Variants in DNAH2 observed in about 807,000 individuals in gnomAD.
The protein encoded by DNAH2 is axonemal beta dynein heavy chain 2.
Under a neutral mutation model 523.5 loss-of-function variants are expected in DNAH2, and 323 were observed. That is an observed-to-expected ratio of 0.62 (90% confidence interval 0.56 to 0.68). The LOEUF (loss-of-function observed/expected upper bound fraction) is 0.68. Ranked by LOEUF, DNAH2 falls within the 30% of genes least tolerant of loss-of-function variation. The probability of loss-of-function intolerance (pLI) is 0.00; values close to 1 mark genes in which losing one functional copy is unlikely to be tolerated. For missense variants in DNAH2, 4,907 were observed against 5,701.5 expected (o/e 0.86, Z 4.49); for synonymous variants, 2,093 against 2,177.4 (o/e 0.96, Z 1.08).
intron 63 of DNAH2, among the ~76,000 whole-genome samples, chr17:7,810,585 C>A (rs527975704): frequency 2.6e-5 from 4 of 152,046 alleles, no homozygotes; most frequent in Admixed American, 2.6e-4. Flanking sequence ...GATGGGGTTT[C>A]ACCACGTTGG....
Position 7,798,488 on chromosome 17 carries a change from C to T in DNAH2, c.8399-70C>T, listed in dbSNP as rs2131810. Reference sequence around the variant, plus strand: ...TGCGGGGCGGGGAGGGTTCCTAAATCTCAGAAAAGGAATCAAGCCCAGGAT... The same window carrying T: ...TGCGGGGCGGGGAGGGTTCCTAAATTTCAGAAAAGGAATCAAGCCCAGGAT... On this transcript the variant is annotated intron_variant, in intron 54 of 85. Transcript: ENST00000572933. The surrounding 1 kb of genome is among the most constrained non-coding windows in gnomAD (Gnocchi z 5.5). The T allele has an allele frequency of 0.28, 437,459 of 1,587,830 alleles. 64,236 individuals carry two copies. The highest frequency in any genetic ancestry group is 0.31 in the Middle Eastern group (1,740 of 5,654).
At chr17:7,723,159 A>T (rs747590285) in intron 2 of DNAH2, among the ~76,000 whole-genome samples, 6 of 149,964 alleles carry the variant, frequency 4.0e-5, no homozygotes, top group Admixed American at 6.6e-5. Flanking sequence ...TTTAGTAGAG[A>T]CGGGGTTTCA....
At chr17:7,775,396 T>C in intron 30 of DNAH2, 54 bp downstream of exon 30, 2 of 1,542,554 alleles carry the variant, frequency 1.3e-6, no homozygotes, top group South Asian at 2.3e-5. Context: ...CTACAGAAAG[T>C]TCACCTGGGT....
rs1567696119 is a variant in DNAH2 at position 7,786,524 on chromosome 17, G to GT, written c.6349-41dup. On this transcript the variant is annotated intron_variant, in intron 40 of 85. Transcript: ENST00000572933. This position sits in a 1 kb window ranked among gnomAD's most constrained non-coding sequence, Gnocchi z 7.5. ...AAGAGGGGTCTGGAAATAAAGAGGGGTTTTTGTCCATCAGCAGCTAAAACC... is the reference window on the plus strand; with the variant it reads ...AAGAGGGGTCTGGAAATAAAGAGGGGTTTTTTGTCCATCAGCAGCTAAAACC... 1.3e-6 allele frequency: 2 copies of GT among 1,569,810 alleles called. No homozygotes were observed. The highest frequency in any genetic ancestry group is 3.4e-5 in the Admixed American group (2 of 59,528).
chr17:7,788,939 T>C (rs893614702), intron 44 of DNAH2, among the ~76,000 whole-genome samples: 2 of 152,038 alleles, frequency 1.3e-5, no homozygotes, highest in Non-Finnish European at 2.9e-5. Flanking sequence ...CCGAGGTGGG[T>C]GGATCACCTG....
At chr17:7,730,642 A>G (rs541433922) in intron 4 of DNAH2, among the ~76,000 whole-genome samples, 11 of 152,320 alleles carry the variant, frequency 7.2e-5, no homozygotes, top group African/African-American at 1.9e-4. Context: ...AATCCAATAA[A>G]TCCAAATTAA....
chr17:7,736,216 A>G (rs1259571447), intron 7 of DNAH2, among the ~76,000 whole-genome samples: 7 of 152,148 alleles, frequency 4.6e-5, no homozygotes, highest in Admixed American at 4.6e-4. Flanking sequence ...TGACAGGCTG[A>G]TTATGTTAGT....
rs762134139 is a variant in DNAH2 at position 7,833,213 on chromosome 17, G to A, written c.13121G>A (p.Ser4374Asn). Residue 4374 changes from serine to asparagine, a missense_variant, in exon 85 of 86, where the codon AGC (serine) becomes AAC (asparagine). Physicochemically the swap from Ser to Asn is conservative, Grantham distance 46. Coordinates refer to ENST00000572933, the MANE Select transcript of DNAH2 (RefSeq NM_020877.5). ...CGGCCTGCAGAGAGCCGCAAGAAGAGCGCCAAGGGTGGGACAGCTCCCCAG... is the reference window on the plus strand; with the variant it reads ...CGGCCTGCAGAGAGCCGCAAGAAGAACGCCAAGGGTGGGACAGCTCCCCAG... ...HFRPAESRKKSAKGMYSCPCY... is the reference protein window; with the variant it reads ...HFRPAESRKKNAKGMYSCPCY... The A allele has an allele frequency of 1.9e-6, 3 of 1,607,174 alleles. No homozygotes were observed. Among genetic ancestry groups the A allele is most frequent in the Admixed American group, 1.7e-5 (1 of 60,032 alleles).
rs1179517184 is a variant in DNAH2 at position 7,816,853 on chromosome 17, C to CTT, written c.9894+119_9894+120insTT. 10 of 1,327,028 alleles carry CTT rather than the reference C, an allele frequency of 7.5e-6. No homozygotes were observed. The African/African-American group carries it at 1.5e-4, about 19-fold the overall frequency. The allele number at this position is 1,327,028 out of a possible 1,614,324, so 82.2% of individuals were successfully genotyped here. A position where few individuals can be genotyped will look rare whatever the true frequency, so the allele number is the denominator to read the frequency against. On this transcript the variant is annotated intron_variant, in intron 64 of 85. Transcript: ENST00000572933. ...CGGGGACACCTGGGTATAGGGAACT[C>CTT]TAAGAACTGAGGCGTGGGAGCTCTT...
chr17:7,771,862 G>A lies in DNAH2; in HGVS notation c.4501+394G>A, dbSNP rs60292742. Among the ~76,000 whole-genome samples the A allele has an allele frequency of 8.9e-3, 1,357 of 152,058 alleles. 12 individuals carry two copies. Among genetic ancestry groups the A allele is most frequent in the African/African-American group, 0.014 (589 of 41,460 alleles). ...CTCCCAAGTAGCTGGGAATACAAGCGTGTGCCACTACCTCTGGCTAATTTT... is the reference window on the plus strand; with the variant it reads ...CTCCCAAGTAGCTGGGAATACAAGCATGTGCCACTACCTCTGGCTAATTTT... On this transcript the variant is annotated intron_variant, in intron 28 of 85. Transcript: ENST00000572933.
rs1597792725 is a variant in DNAH2, at chr17:7,828,105, G to T, written c.11854-2195G>T. Among the ~76,000 whole-genome samples, 1 of 151,962 alleles carries T rather than the reference G, an allele frequency of 6.6e-6. No individual in the cohort carries two copies. The highest frequency in any genetic ancestry group is 2.1e-4 in the South Asian group (1 of 4,824). On this transcript the variant is annotated intron_variant, in intron 77 of 85. Coordinates refer to ENST00000572933, the MANE Select transcript of DNAH2 (RefSeq NM_020877.5). This position sits in a 1 kb window ranked among gnomAD's most constrained non-coding sequence, Gnocchi z 4.1. ...GCTAATTTTTGTGTTTTTTTGTAGA[G>T]ACTGGATTTCACCATGTTGGCCAGG...
At position 7,807,191 on chromosome 17, in the gene DNAH2, G is replaced by T; in HGVS notation, c.9484G>T (p.Asp3162Tyr). 6.2e-7 allele frequency: 1 copy of T among 1,611,758 alleles called. No homozygotes were observed. ...FIKSLINFDK[D>Y]NISDKVLKKI... ...CAAGTCACTGATCAACTTTGATAAA[G>T]ACAATATCTCAGATAAGGTTCTGAA... The change falls in exon 62 of 86, where the codon GAC becomes TAC. Residue 3162 changes from aspartate (D) to tyrosine (Y), a missense_variant. Asp to Tyr is a radical substitution (Grantham distance 160, BLOSUM62 -3). Transcript: ENST00000572933. The surrounding 1 kb of genome is among the most constrained non-coding windows in gnomAD (Gnocchi z 5.6).
rs201935696 is a variant in DNAH2, at chr17:7,788,232, G to T, written c.6888G>T (p.Thr2296=). The part of the protein sequence containing the change: ...SLCKLYSALA[T]PENGVNPADG... ...GCAAGCTGTACTCTGCCCTGGCCAC[G>T]CCAGAGAATGGGGTAAGGGGAGGAC... Residue 2296 remains threonine, a synonymous_variant, in exon 44 of 86, where the codon ACG becomes ACT. Transcript: ENST00000572933. 1.3e-6 allele frequency: 2 copies of T among 1,589,228 alleles called. No homozygotes were observed. Among genetic ancestry groups the T allele is most frequent in the East Asian group, 2.3e-5 (1 of 44,170 alleles).
chr17:7,776,583 C>G lies in DNAH2; in HGVS notation c.4948-196C>G, dbSNP rs146937552. On this transcript the variant is annotated intron_variant, in intron 31 of 85. Coordinates refer to ENST00000572933, the MANE Select transcript of DNAH2 (RefSeq NM_020877.5). The stretch of plus-strand genomic sequence containing the variant: ...CTCACACAGTGTGGTTTCTTACCCC[C>G]CTTTCTGAGCTGTGGCTCTGGTACA... Among the ~76,000 whole-genome samples the G allele has an allele frequency of 8.5e-4, 130 of 152,314 alleles. 3 individuals are homozygous for G. In the East Asian group the frequency reaches 0.017, roughly 19 times the overall value.
intron 63 of DNAH2, among the ~76,000 whole-genome samples, chr17:7,813,706 G>A (rs1041634020): frequency 1.3e-5 from 2 of 152,082 alleles, no homozygotes; most frequent in Admixed American, 6.5e-5. Flanking sequence ...TCAGGAGTTC[G>A]AGACCAGCCT....
intron 63 of DNAH2, among the ~76,000 whole-genome samples, chr17:7,808,931 C>T (rs1395550095): frequency 2.0e-5 from 3 of 152,108 alleles, no homozygotes; most frequent in African/African-American, 7.2e-5. Context: ...ATCTTATTTA[C>T]CTGTGAGTTG....
intron 44 of DNAH2, among the ~76,000 whole-genome samples, chr17:7,789,554 C>T (rs1193060452): frequency 1.3e-5 from 2 of 151,756 alleles, no homozygotes; most frequent in Non-Finnish European, 2.9e-5. Context: ...AACATAATTT[C>T]CCACCTATAG....
intron 28 of DNAH2, among the ~76,000 whole-genome samples, chr17:7,771,845 T>G (rs1021367356): frequency 5.9e-5 from 9 of 152,054 alleles, no homozygotes; most frequent in African/African-American, 2.2e-4. Flanking sequence ...GCCTCCCAAG[T>G]AGCTGGGAAT....
chr17:7,787,188 G>A, intron 42 of DNAH2, 155 bp downstream of exon 42: 1 of 939,460 alleles, frequency 1.1e-6, no homozygotes, highest in Non-Finnish European at 1.6e-6. Flanking sequence ...ACCTGCAGCT[G>A]AAGAAAAATG....
Sources: allele counts gnomAD v4.1 joint callset (sites outside exome capture counted in the v4.1 genomes callset), GRCh38; gene constraint gnomAD v4.1.1; non-coding constraint Gnocchi (gnomAD v3.1); transcripts MANE v1.5; gene names NCBI Gene and HGNC (gene_info 2026-07-23, HGNC 2026-07-21).